The following NECTIN1 variants were observed in gnomAD, a reference collection of about 807,000 sequenced individuals.
The protein encoded by NECTIN1 is nectin-1.
A neutral mutation model predicts 48.0 loss-of-function variants in NECTIN1; 23 were observed. The ratio of observed to expected loss-of-function variants is 0.48; its 90% confidence interval spans 0.34 to 0.68. NECTIN1 has a LOEUF of 0.68. Among genes scored for constraint, NECTIN1 ranks in the 30% least tolerant of loss-of-function variants. The probability of loss-of-function intolerance (pLI) is 0.01; values close to 1 mark genes in which losing one functional copy is unlikely to be tolerated. For missense variants in NECTIN1, 591 were observed against 709.9 expected (o/e 0.83, Z 1.90); for synonymous variants, 270 against 288.9 (o/e 0.93, Z 0.66).
chr11:119,707,720 A>G (rs563993918), intron 1 of NECTIN1, among the ~76,000 whole-genome samples: 1 of 152,308 alleles, frequency 6.6e-6, no homozygotes, highest in South Asian at 2.1e-4. Context: ...TAATTGATAT[A>G]TCATAGTTGT....
intron 1 of NECTIN1, among the ~76,000 whole-genome samples, chr11:119,679,339 G>C: frequency 6.6e-6 from 1 of 152,172 alleles, no homozygotes; most frequent in Non-Finnish European, 1.5e-5. Flanking sequence ...GGAGGCTCTG[G>C]ATGAGCTTGA....
At position 119,664,254 on chromosome 11, in the gene NECTIN1, G is replaced by C; in HGVS notation, c.*493C>G. 1.0e-6 allele frequency: 1 copy of C among 992,422 alleles called. No homozygotes were observed. The allele number at this position is 992,422 out of a possible 1,614,324, so 61.5% of individuals were successfully genotyped here. A position where few individuals can be genotyped will look rare whatever the true frequency, so the allele number is the denominator to read the frequency against. ...AAGGTCCAAACTCCCAGCTGCATCA[G>C]ATTTCACTGGTGGGTGTTGGGTTCC... On this transcript the variant is annotated 3_prime_UTR_variant, in exon 6 of 6. Transcript: ENST00000264025.
chr11:119,689,826 T>C (rs1865221616), intron 1 of NECTIN1, among the ~76,000 whole-genome samples: 2 of 152,196 alleles, frequency 1.3e-5, no homozygotes, highest in Admixed American at 1.3e-4. Context: ...CTTGAACTCT[T>C]GGACAGCGAG....
At chr11:119,712,224 C>T (rs1420994790) in intron 1 of NECTIN1, among the ~76,000 whole-genome samples, 1 of 152,166 alleles carries the variant, frequency 6.6e-6, no homozygotes, top group African/African-American at 2.4e-5. Context: ...TGGTTTTCTT[C>T]CAGGCATGCT....
chr11:119,697,114 G>C (rs921365699), intron 1 of NECTIN1, among the ~76,000 whole-genome samples: 28 of 152,216 alleles, frequency 1.8e-4, no homozygotes, highest in Middle Eastern at 3.4e-3. Context: ...CAATAGATGT[G>C]GGGGGCGGGG....
intron 1 of NECTIN1, among the ~76,000 whole-genome samples, chr11:119,724,435 A>G (rs11600786): frequency 0.012 from 1,783 of 152,284 alleles, 45 homozygotes; most frequent in African/African-American, 0.04. Flanking sequence ...GTCTAAAGCC[A>G]AGGGCAGAAC....
chr11:119,640,222 C>T (rs761064885), intron 5 of NECTIN1: 1 of 609,874 alleles, frequency 1.6e-6, no homozygotes, highest in Non-Finnish European at 2.9e-6. Flanking sequence ...GACCCTGTAA[C>T]CCCACACCCT....
At chr11:119,690,461 A>G (rs113459406) in intron 1 of NECTIN1, among the ~76,000 whole-genome samples, 5 of 152,206 alleles carry the variant, frequency 3.3e-5, no homozygotes. Context: ...TGGGGCCAGA[A>G]AAAAAAGGGG....
intron 1 of NECTIN1, among the ~76,000 whole-genome samples, chr11:119,726,130 T>A (rs1865903667): frequency 1.3e-5 from 2 of 152,064 alleles, no homozygotes; most frequent in Admixed American, 6.5e-5. Flanking sequence ...CCCTCCCTCT[T>A]CCTCTCCTCA....
At chr11:119,686,805 G>T (rs146701487) in intron 1 of NECTIN1, among the ~76,000 whole-genome samples, 1 of 152,112 alleles carries the variant, frequency 6.6e-6, no homozygotes, top group African/African-American at 2.4e-5. Flanking sequence ...CATGGATTGC[G>T]TGTTCCTGCA....
downstream of NECTIN1, among the ~76,000 whole-genome samples, chr11:119,656,137 C>G (rs1190773357): frequency 6.6e-6 from 1 of 152,170 alleles, no homozygotes; most frequent in Non-Finnish European, 1.5e-5. Context: ...CTCAAGCGAT[C>G]CTCCCACCTC....
downstream of NECTIN1, chr11:119,660,900 C>G: frequency 1.4e-6 from 1 of 693,822 alleles, no homozygotes; most frequent in Non-Finnish European, 1.8e-6. Context: ...GGGGTCCCTT[C>G]CCCTCACTAT....
chr11:119,726,180 C>A (rs2134350484), intron 1 of NECTIN1, among the ~76,000 whole-genome samples: 2 of 152,298 alleles, frequency 1.3e-5, no homozygotes, highest in Admixed American at 1.3e-4. Flanking sequence ...CCCAGGAAAA[C>A]CCTGAAAAGA....
intron 1 of NECTIN1, among the ~76,000 whole-genome samples, chr11:119,716,887 G>A (rs1319064480): frequency 2.6e-5 from 4 of 152,204 alleles, no homozygotes; most frequent in Admixed American, 1.3e-4. Flanking sequence ...CACACAGCAC[G>A]TGACCTCATA....
chr11:119,728,470 C>A lies in NECTIN1; in HGVS notation c.79+5G>T, dbSNP rs963689153. 1 of 1,600,240 alleles carries A rather than the reference C, an allele frequency of 6.2e-7. No homozygotes were observed. Among genetic ancestry groups the A allele is most frequent in the Non-Finnish European group, 8.5e-7 (1 of 1,174,856 alleles). On this transcript the variant is annotated splice_donor_5th_base_variant and intron_variant, in intron 1 of 5. Coordinates refer to ENST00000264025, the MANE Select transcript of NECTIN1 (RefSeq NM_002855.5). ...GGTGGGGACAGCAGAGGTGAGCGCT[C>A]TTACCTGGGAGGAAGAATGCGGTCA...
chr11:119,676,510 C>A (rs1381007646), intron 4 of NECTIN1, among the ~76,000 whole-genome samples: 1 of 152,244 alleles, frequency 6.6e-6, no homozygotes, highest in Non-Finnish European at 1.5e-5. Context: ...CCATCCAGCT[C>A]TTCTCTGGGA....
Position 119,676,870 on chromosome 11 carries a change from C to G in NECTIN1, c.851+232G>C, listed in dbSNP as rs1266618169. The G allele has an allele frequency of 6.9e-6, 4 of 577,550 alleles. No homozygotes were observed. The Admixed American group carries it at 1.1e-4, about 17-fold the overall frequency. 35.8% of individuals were successfully genotyped at this position (577,550 alleles called of 1,614,324 possible). The stretch of plus-strand genomic sequence containing the variant: ...GGAGGGAAGCAGATCACAAAGGAAA[C>G]CCCTCTGGCAGAATAGCTTGTTCCA... On this transcript the variant is annotated intron_variant, in intron 4 of 5. Coordinates refer to ENST00000264025, the MANE Select transcript of NECTIN1 (RefSeq NM_002855.5).
downstream of NECTIN1, chr11:119,660,888 G>T (rs2135539182): frequency 1.2e-5 from 7 of 561,736 alleles, no homozygotes; most frequent in Non-Finnish European, 1.1e-5. Context: ...GACATGGGGT[G>T]GGGGGTCCCT....
At chr11:119,726,386 A>G (rs1443782671) in intron 1 of NECTIN1, among the ~76,000 whole-genome samples, 1 of 152,218 alleles carries the variant, frequency 6.6e-6, no homozygotes, top group Non-Finnish European at 1.5e-5. Context: ...AGAAGGCACC[A>G]GGAGCCCAGC....
Sources: allele counts gnomAD v4.1 joint callset (sites outside exome capture counted in the v4.1 genomes callset), GRCh38; gene constraint gnomAD v4.1.1; transcripts MANE v1.5; gene names NCBI Gene and HGNC (gene_info 2026-07-23, HGNC 2026-07-21).